PCM1: variants seen among roughly 807,000 people sequenced by gnomAD.
PCM1 encodes pericentriolar material 1 protein.
In PCM1, 157 loss-of-function variants were observed where a neutral mutation model predicts 241.9. That is an observed-to-expected ratio of 0.65 (90% CI 0.57 to 0.74). The LOEUF is 0.74. PCM1 is among the 30% of genes least tolerant of loss of function. The pLI is 0.00. For synonymous variants in PCM1, 1,085 were observed against 784.9 expected, an observed-to-expected ratio of 1.38 and a Z score of -6.39; for missense variants, 3,478 against 2,360.1, an observed-to-expected ratio of 1.47 and a Z score of -9.81.
intron 2 of PCM1, chr8:17,927,519 C>T (rs1259926747): frequency 6.6e-6 from 1 of 152,014 alleles, no homozygotes; most frequent in Non-Finnish European, 1.5e-5. Context: ...TGATATTCTA[C>T]TGTAATATGT....
intron 20 of PCM1, 28 bp downstream of exon 20, chr8:17,966,501 C>CT (rs2074943067): frequency 1.2e-6 from 2 of 1,603,930 alleles, no homozygotes; most frequent in African/African-American, 1.3e-5. Flanking sequence ...AGTATTGAGA[C>CT]TGTATAAGAG....
chr8:17,947,302 G>A lies in PCM1; in HGVS notation c.900G>A (p.Gln300=). Residue 300 remains glutamine, a synonymous_variant, in exon 7 of 39, where the codon CAG becomes CAA. Coordinates refer to ENST00000325083, the MANE Select transcript of PCM1 (RefSeq NM_006197.4). ...AACTAAGAGCTCTACAGGGACGGCA[G>A]GCTGCACTTCTAGCTCTGCAACATA... ...QEQLRALQGR[Q]AALLALQHKA... The A allele has an allele frequency of 6.2e-7, 1 of 1,613,028 alleles. No homozygotes were observed. Among genetic ancestry groups the A allele is most frequent in the Non-Finnish European group, 8.5e-7 (1 of 1,179,278 alleles).
chr8:17,949,715 T>G (rs1002940693), intron 7 of PCM1, among the ~76,000 whole-genome samples: 2 of 152,168 alleles, frequency 1.3e-5, no homozygotes, highest in African/African-American at 2.4e-5. Flanking sequence ...CAGGCTGGTC[T>G]TGAACTCCTG....
In PCM1 at chr8:17,963,035, C is replaced by A. The variant is rs997085535; in HGVS notation, c.2464-66C>A. The A allele has an allele frequency of 3.3e-6, 4 of 1,197,370 alleles. No individual in the cohort carries two copies. In the East Asian group the frequency reaches 7.7e-5, roughly 23 times the overall value. 74.2% of individuals were successfully genotyped at this position (1,197,370 alleles called of 1,614,324 possible). On this transcript the variant is annotated intron_variant, in intron 16 of 38. Coordinates refer to ENST00000325083, the MANE Select transcript of PCM1 (RefSeq NM_006197.4). ...TGTTGATACTGACAATACTAGTAGTCTTTTACTCTTTTAGGCTACAGCAAA... is the reference window on the plus strand; with the variant it reads ...TGTTGATACTGACAATACTAGTAGTATTTTACTCTTTTAGGCTACAGCAAA...
chr8:17,964,285 C>G (rs536943887), intron 17 of PCM1, among the ~76,000 whole-genome samples: 1 of 152,236 alleles, frequency 6.6e-6, no homozygotes, highest in South Asian at 2.1e-4. Flanking sequence ...AAAACTCCCT[C>G]AAGCAAATGT....
chr8:17,938,614 G>A lies in PCM1; in HGVS notation c.343-126G>A, dbSNP rs1264436498. ...AGAGCCAAAGCTCTTTCAGGTCTTAGTGCAAAGCTCTTTGTGTGCACCTTC... is the reference window on the plus strand; with the variant it reads ...AGAGCCAAAGCTCTTTCAGGTCTTAATGCAAAGCTCTTTGTGTGCACCTTC... On this transcript the variant is annotated intron_variant, in intron 4 of 38. Transcript: ENST00000325083. The A allele has an allele frequency of 7.7e-6, 5 of 653,542 alleles. No homozygotes were observed. The East Asian group carries it at 1.3e-4, about 17-fold the overall frequency. The allele number at this position is 653,542 out of a possible 1,614,324, so 40.5% of individuals were successfully genotyped here. A position where few individuals can be genotyped will look rare whatever the true frequency, so the allele number is the denominator to read the frequency against.
At chr8:17,998,222 A>C (rs1169734831) in intron 29 of PCM1, among the ~76,000 whole-genome samples, 1 of 150,450 alleles carries the variant, frequency 6.6e-6, no homozygotes, top group African/African-American at 2.5e-5. Context: ...TGAGGTCGTG[A>C]TTTTCTGTAT....
At chr8:17,987,703 C>T (rs371319727) in intron 26 of PCM1, among the ~76,000 whole-genome samples, 3 of 151,776 alleles carry the variant, frequency 2.0e-5, no homozygotes, top group African/African-American at 7.2e-5. Flanking sequence ...TAATCAGCAG[C>T]ACCACAATAT....
intron 29 of PCM1, among the ~76,000 whole-genome samples, chr8:18,000,813 G>T (rs1441602416): frequency 1.3e-5 from 2 of 152,148 alleles, no homozygotes; most frequent in Non-Finnish European, 2.9e-5. Context: ...AGTAGAGATG[G>T]TGTTTCCCTA....
chr8:17,973,719 A>G (rs78936912), intron 23 of PCM1, among the ~76,000 whole-genome samples: 1 of 138,840 alleles, frequency 7.2e-6, no homozygotes, highest in Admixed American at 6.9e-5. Flanking sequence ...CTCTGTCAGA[A>G]AAAAAAAAAA....
intron 30 of PCM1, among the ~76,000 whole-genome samples, chr8:18,007,844 T>TG (rs142350160): frequency 1.6e-3 from 244 of 152,176 alleles, no homozygotes; most frequent in African/African-American, 5.5e-3. Context: ...AGTCTTTTGG[T>TG]GGGGGAGAGG....
At chr8:17,958,124 GTTTTGTTGT>G (rs963798469) in intron 13 of PCM1, among the ~76,000 whole-genome samples, 6 of 152,028 alleles carry the variant, frequency 3.9e-5, no homozygotes, top group Admixed American at 6.6e-5. Context: ...AACAGAAGAG[GTTTTGTTGT>G]TTTTGTTGTT....
At chr8:18,024,080 T>G (rs1190075126) in intron 36 of PCM1, among the ~76,000 whole-genome samples, 4 of 152,244 alleles carry the variant, frequency 2.6e-5, no homozygotes, top group Admixed American at 6.5e-5. Context: ...ACAGCCTTAA[T>G]CTTCCTTGAA....
intron 13 of PCM1, among the ~76,000 whole-genome samples, chr8:17,959,424 A>G (rs1233319851): frequency 6.6e-6 from 1 of 152,080 alleles, no homozygotes; most frequent in East Asian, 1.9e-4. Context: ...GTTACTATAT[A>G]CTTGTTTTCA....
In PCM1 at chr8:17,966,054, A is replaced by G. The variant is rs754390394; in HGVS notation, c.2911A>G (p.Thr971Ala). ...TGAAAATTATCGTCCTTTAGCCAAG[A>G]CAAGGCAACAGAATATCAGCATGCA... ...ADENYRPLAKTRQQNISMQRQ... is the reference protein window; with the variant it reads ...ADENYRPLAKARQQNISMQRQ... The change falls in exon 19 of 39, where the codon ACA (threonine) becomes GCA (alanine). Residue 971 changes from threonine to alanine, a missense_variant. Coordinates refer to ENST00000325083, the MANE Select transcript of PCM1 (RefSeq NM_006197.4). 3.1e-6 allele frequency: 5 copies of G among 1,613,698 alleles called. No individual in the cohort carries two copies. The South Asian group carries it at 5.5e-5, about 18-fold the overall frequency.
intron 6 of PCM1, among the ~76,000 whole-genome samples, chr8:17,946,482 A>G (rs969356093): frequency 1.3e-5 from 2 of 151,412 alleles, no homozygotes; most frequent in African/African-American, 2.4e-5. Flanking sequence ...TATTACTTCT[A>G]GTCTTTTTTT....
intron 38 of PCM1, 129 bp downstream of exon 38, chr8:18,025,787 G>A (rs523171): frequency 0.76 from 452,235 of 593,216 alleles, 174,211 homozygotes; most frequent in African/African-American, 0.81. Context: ...GAAAGAAAGT[G>A]TAATTCTGTA....
intron 29 of PCM1, among the ~76,000 whole-genome samples, chr8:17,995,952 G>A (rs1423214178): frequency 1.3e-5 from 2 of 152,076 alleles, no homozygotes; most frequent in East Asian, 3.8e-4. Flanking sequence ...GCTTTTCCAA[G>A]TATAAGATTA....
At chr8:17,946,219 G>A (rs771627405) in intron 6 of PCM1, among the ~76,000 whole-genome samples, 3 of 152,054 alleles carry the variant, frequency 2.0e-5, no homozygotes, top group Non-Finnish European at 2.9e-5. Context: ...CATTTTCGGG[G>A]AATTTGGAAG....
Sources: allele counts gnomAD v4.1 joint callset (sites outside exome capture counted in the v4.1 genomes callset), GRCh38; gene constraint gnomAD v4.1.1; transcripts MANE v1.5; gene names NCBI Gene and HGNC (gene_info 2026-07-23, HGNC 2026-07-21).